TLE3: variants seen among roughly 807,000 people sequenced by gnomAD.
TLE3 encodes TLE family member 3, transcriptional corepressor.
Under a neutral mutation model 93.0 loss-of-function variants are expected in TLE3, and 14 were observed. The observed-to-expected ratio is 0.15, with a 90% CI of 0.10 to 0.24. The LOEUF (loss-of-function observed/expected upper bound fraction) is 0.24. Ranked by LOEUF, TLE3 falls within the 10% of genes least tolerant of loss-of-function variation. The pLI is 1.00. For synonymous variants in TLE3, 451 were observed against 425.0 expected, an observed-to-expected ratio of 1.06 and a Z score of -0.75; for missense variants, 693 against 1,046.6, an observed-to-expected ratio of 0.66 and a Z score of 4.66.
chr15:70,095,629 C>T lies in TLE3; in HGVS notation c.138G>A (p.Glu46=). Residue 46 remains glutamate, a synonymous_variant, in exon 3 of 20, where the codon GAG becomes GAA. Coordinates refer to ENST00000451782, the MANE Select transcript of TLE3 (RefSeq NM_001105192.3). ...LQAQYHSLKV[E]YDKLANEKTE... is the part of the protein sequence containing the mutation. ...TCTTCTCGTTTGCCAGCTTGTCGTA[C>T]TCCACTTTGAGGCTGCGAGGGCAGG... 2 of 1,551,578 alleles carry T rather than the reference C, an allele frequency of 1.3e-6. No homozygotes were observed. Among genetic ancestry groups the T allele is most frequent in the Non-Finnish European group, 1.7e-6 (2 of 1,146,920 alleles).
At position 70,058,625 on chromosome 15, in the gene TLE3, G is replaced by T; in HGVS notation, c.918+38C>A. On this transcript the variant is annotated intron_variant, in intron 11 of 19. Transcript: ENST00000451782. This position sits in a 1 kb window ranked among gnomAD's most constrained non-coding sequence, Gnocchi z 4.1. ...CACCACCCCAGCTCCAGTCCCTGCCGCTCCCTTCCCACTCCCTTCCACCCA... is the reference window on the plus strand; with the variant it reads ...CACCACCCCAGCTCCAGTCCCTGCCTCTCCCTTCCCACTCCCTTCCACCCA... The T allele has an allele frequency of 6.5e-7, 1 of 1,546,260 alleles. No individual in the cohort carries two copies. The highest frequency in any genetic ancestry group is 8.7e-7 in the Non-Finnish European group (1 of 1,145,456).
chr15:70,091,104 G>A (rs749653505), intron 4 of TLE3, among the ~76,000 whole-genome samples: 1 of 152,206 alleles, frequency 6.6e-6, no homozygotes, highest in Non-Finnish European at 1.5e-5. Context: ...CTGGGCCACC[G>A]TTTCCTCATC....
intron 6 of TLE3, among the ~76,000 whole-genome samples, chr15:70,070,784 C>T (rs1003046184): frequency 6.6e-6 from 1 of 152,210 alleles, no homozygotes; most frequent in African/African-American, 2.4e-5. Flanking sequence ...AAGGCACATT[C>T]TCTTGGCCAT....
chr15:70,073,572 C>A (rs2057292398), intron 6 of TLE3, among the ~76,000 whole-genome samples: 1 of 152,222 alleles, frequency 6.6e-6, no homozygotes, highest in African/African-American at 2.4e-5. Context: ...TTTCCAGTCC[C>A]ATCCCCAGAC....
rs1567069097 is a variant in TLE3 at position 70,097,091 on chromosome 15, G to A, written c.-293C>T. The A allele has an allele frequency of 4.2e-6, 2 of 474,048 alleles. No individual in the cohort carries two copies. Among genetic ancestry groups the A allele is most frequent in the African/African-American group, 2.1e-5 (1 of 48,628 alleles). 29.4% of individuals were successfully genotyped at this position (474,048 alleles called of 1,614,324 possible). A position where few individuals can be genotyped will look rare whatever the true frequency, so the allele number is the denominator to read the frequency against. On this transcript the variant is annotated 5_prime_UTR_variant, in exon 1 of 20. Coordinates refer to ENST00000451782, the MANE Select transcript of TLE3 (RefSeq NM_001105192.3). ...CGGGCAGCGGCCGGCCGCCTTCCCT[G>A]GGCTGCGTCGAGCGCGTCAATGCCT...
chr15:70,056,856 G>C (rs2056078794), intron 13 of TLE3, among the ~76,000 whole-genome samples: 1 of 152,162 alleles, frequency 6.6e-6, no homozygotes, highest in African/African-American at 2.4e-5. Context: ...CTGCCTCCCA[G>C]GTTCAAGTGA....
Position 70,058,493 on chromosome 15 carries a change from G to T in TLE3, c.918+170C>A. ...CCATTTTACAGACGTAGCAACCGAG[G>T]CTCAGAAACGTTAACTCATTAGCAC... On this transcript the variant is annotated intron_variant, in intron 11 of 19. Transcript: ENST00000451782. This position sits in a 1 kb window ranked among gnomAD's most constrained non-coding sequence, Gnocchi z 4.1. 2 of 1,280,330 alleles carry T rather than the reference G, an allele frequency of 1.6e-6. No homozygotes were observed. The highest frequency in any genetic ancestry group is 2.1e-6 in the Non-Finnish European group (2 of 946,694). 79.3% of individuals were successfully genotyped at this position (1,280,330 alleles called of 1,614,324 possible). A position where few individuals can be genotyped will look rare whatever the true frequency, so the allele number is the denominator to read the frequency against.
chr15:70,088,361 T>C (rs2058132061), intron 4 of TLE3, among the ~76,000 whole-genome samples: 1 of 152,192 alleles, frequency 6.6e-6, no homozygotes, highest in Non-Finnish European at 1.5e-5. Flanking sequence ...GTTTCCCCCT[T>C]CCTTAAGTTT....
At chr15:70,076,291 G>A (rs1245587444) in intron 4 of TLE3, 133 bp from the exon 5 acceptor site, 2 of 764,506 alleles carry the variant, frequency 2.6e-6, no homozygotes, top group Non-Finnish European at 4.5e-6. Flanking sequence ...TCTGCCCTCA[G>A]TCAGCCTCCT....
chr15:70,084,722 G>C (rs186379353), intron 4 of TLE3, among the ~76,000 whole-genome samples: 1 of 150,620 alleles, frequency 6.6e-6, no homozygotes, highest in Non-Finnish European at 1.5e-5. Context: ...GATGCGTGGC[G>C]CCCACGGTGC....
At chr15:70,088,884 G>GCCCCCA (rs1036251218) in intron 4 of TLE3, among the ~76,000 whole-genome samples, 5 of 135,072 alleles carry the variant, frequency 3.7e-5, no homozygotes, top group Middle Eastern at 3.8e-3. Context: ...CCCCGCCCCC[G>GCCCCCA]CCCCCACCCC....
At chr15:70,056,688 C>T (rs902222686) in intron 13 of TLE3, among the ~76,000 whole-genome samples, 1 of 152,190 alleles carries the variant, frequency 6.6e-6, no homozygotes, top group Non-Finnish European at 1.5e-5. Flanking sequence ...AGGAGGCCAC[C>T]CCAGGTCCAG....
At chr15:70,071,727 G>A (rs1595930484) in intron 6 of TLE3, among the ~76,000 whole-genome samples, 2 of 152,316 alleles carry the variant, frequency 1.3e-5, no homozygotes, top group Admixed American at 1.3e-4. Context: ...TCCTTCCAGA[G>A]CAGCAAATCC....
intron 13 of TLE3, among the ~76,000 whole-genome samples, chr15:70,056,895 C>T (rs2056082199): frequency 6.6e-6 from 1 of 152,108 alleles, no homozygotes; most frequent in Admixed American, 6.5e-5. Flanking sequence ...CCGAATAGCG[C>T]CTGCCACCAC....
chr15:70,049,903 GAC>G lies in TLE3; in HGVS notation c.*192_*193del. 3.6e-6 allele frequency: 2 copies of G among 563,204 alleles called. No individual in the cohort carries two copies. Among genetic ancestry groups the G allele is most frequent in the Non-Finnish European group, 6.4e-6 (2 of 312,898 alleles). The allele number at this position is 563,204 out of a possible 1,614,324, so 34.9% of individuals were successfully genotyped here. Reference sequence around the variant, plus strand: ...GAGCAGAACCCTTCCGAGTCTGTGAGACACATCAATCCAGGCCCAGGAGTCCA... The same window carrying G: ...GAGCAGAACCCTTCCGAGTCTGTGAGACATCAATCCAGGCCCAGGAGTCCA... On this transcript the variant is annotated 3_prime_UTR_variant, in exon 20 of 20. Coordinates refer to ENST00000451782, the MANE Select transcript of TLE3 (RefSeq NM_001105192.3).
At chr15:70,052,633 C>T (rs1380422417) in intron 17 of TLE3, 109 bp from the exon 18 acceptor site, 1 of 1,285,760 alleles carries the variant, frequency 7.8e-7, no homozygotes, top group Non-Finnish European at 1.1e-6. Flanking sequence ...GGGTCCCTCC[C>T]CACCCACCCA....
intron 5 of TLE3, among the ~76,000 whole-genome samples, chr15:70,075,050 G>C (rs1243497326): frequency 6.6e-6 from 1 of 152,218 alleles, no homozygotes; most frequent in Non-Finnish European, 1.5e-5. Flanking sequence ...CAGGATATCT[G>C]CAATTTACCG....
intron 4 of TLE3, among the ~76,000 whole-genome samples, chr15:70,083,633 T>A (rs1287026025): frequency 7.0e-6 from 1 of 142,594 alleles, no homozygotes; most frequent in African/African-American, 2.6e-5. Flanking sequence ...TCTCAATTCA[T>A]CCCTGTGGGG....
At chr15:70,066,971 G>C (rs768665527) in intron 6 of TLE3, 3 of 316,616 alleles carry the variant, frequency 9.5e-6, no homozygotes, top group Non-Finnish European at 6.6e-6. Context: ...GACCCCAGAG[G>C]ATTATTGTAA....
Sources: gnomAD v4.1 joint callset for allele counts (sites outside exome capture counted in the v4.1 genomes callset) on GRCh38, gnomAD v4.1.1 for gene constraint, Gnocchi (gnomAD v3.1) non-coding constraint, MANE v1.5 for transcripts, NCBI Gene and HGNC (gene_info 2026-07-23, HGNC 2026-07-21) for gene names.